Variants in NTM observed in about 807,000 individuals in gnomAD.
The protein encoded by NTM is IgLON family member 2.
In NTM, 13 loss-of-function variants were observed where a neutral mutation model predicts 42.1. That is an observed-to-expected ratio of 0.31 (90% CI 0.20 to 0.49). The LOEUF (loss-of-function observed/expected upper bound fraction) is 0.49, where lower values mean the gene tolerates loss of function less well. Among genes scored for constraint, NTM ranks in the 20% least tolerant of loss-of-function variants. NTM has a pLI of 0.99. For missense variants in NTM, 373 were observed against 452.8 expected, an observed-to-expected ratio of 0.82 and a Z score of 1.60; for synonymous variants, 187 against 179.2, an observed-to-expected ratio of 1.04 and a Z score of -0.35.
intron 1 of NTM, among the ~76,000 whole-genome samples, chr11:131,641,795 C>T (rs1239981252): frequency 1.4e-4 from 21 of 149,566 alleles, no homozygotes; most frequent in African/African-American, 4.9e-4. Flanking sequence ...AGCATGATCT[C>T]GGCTCACTGC....
chr11:131,766,784 C>G (rs1156313892), intron 1 of NTM, among the ~76,000 whole-genome samples: 2 of 152,278 alleles, frequency 1.3e-5, no homozygotes, highest in Admixed American at 6.5e-5. Flanking sequence ...TGACGATTTT[C>G]CTTTTCAATC....
At chr11:131,550,163 C>A (rs968620273) in intron 1 of NTM, among the ~76,000 whole-genome samples, 1 of 152,220 alleles carries the variant, frequency 6.6e-6, no homozygotes, top group Non-Finnish European at 1.5e-5. Flanking sequence ...TTACTATGTG[C>A]CAAGCACAGT....
At chr11:132,298,224 A>G (rs1309381493) in intron 4 of NTM, among the ~76,000 whole-genome samples, 2 of 152,256 alleles carry the variant, frequency 1.3e-5, no homozygotes, top group Non-Finnish European at 2.9e-5. Context: ...AACAGCCAAG[A>G]TACTGAGGCA....
intron 1 of NTM, among the ~76,000 whole-genome samples, chr11:131,528,014 CAA>C (rs2136640601): frequency 6.6e-6 from 1 of 152,300 alleles, no homozygotes; most frequent in African/African-American, 2.4e-5. Flanking sequence ...TGTGACCCTT[CAA>C]GTTTTCAGAT....
At chr11:131,630,180 T>C (rs1467151232) in intron 1 of NTM, among the ~76,000 whole-genome samples, 1 of 152,112 alleles carries the variant, frequency 6.6e-6, no homozygotes, top group African/African-American at 2.4e-5. Context: ...CTATTGAAAA[T>C]CAATGATTCT....
At chr11:131,720,875 C>T (rs1022831362) in intron 1 of NTM, among the ~76,000 whole-genome samples, 2 of 152,080 alleles carry the variant, frequency 1.3e-5, no homozygotes, top group Non-Finnish European at 2.9e-5. Context: ...ATGATAAGGA[C>T]TTACCAGGTA....
chr11:132,161,234 G>A (rs1453884565), intron 3 of NTM, among the ~76,000 whole-genome samples: 1 of 152,110 alleles, frequency 6.6e-6, no homozygotes, highest in African/African-American at 2.4e-5. Flanking sequence ...CCCCACTGGA[G>A]TGAGTGCAGC....
chr11:132,063,586 G>A (rs948306638), intron 2 of NTM, among the ~76,000 whole-genome samples: 6 of 152,182 alleles, frequency 3.9e-5, no homozygotes, highest in African/African-American at 1.4e-4. Flanking sequence ...GGAATCGTGT[G>A]TCTCCCCACC....
At position 132,222,763 on chromosome 11, in the gene NTM, C is replaced by A. The variant is rs1331378615; in HGVS notation, c.526+10616C>A. On this transcript the variant is annotated intron_variant, in intron 4 of 8. Transcript: ENST00000683400. ...TTCTCTGCTTACTGCCCTCACCCCC[C>A]ACGCACCCCACCCTGAAAAACAAAC... Among the ~76,000 whole-genome samples the A allele has an allele frequency of 1.3e-5, 2 of 152,174 alleles. 1 individual carries two copies. Among genetic ancestry groups the A allele is most frequent in the Admixed American group, 1.3e-4 (2 of 15,274 alleles).
chr11:131,789,609 A>G (rs1220144295), intron 1 of NTM, among the ~76,000 whole-genome samples: 2 of 85,840 alleles, frequency 2.3e-5, no homozygotes, highest in South Asian at 3.3e-4. Context: ...AAGAAGAAGA[A>G]GAAGAAGAAG....
At chr11:131,732,364 A>T (rs2658874) in intron 1 of NTM, among the ~76,000 whole-genome samples, 39,580 of 151,858 alleles carry the variant, frequency 0.26, 6,676 homozygotes, top group African/African-American at 0.48. Context: ...TCACCTTTTT[A>T]CCACTGGGTG....
At chr11:131,840,467 T>C (rs75803928) in intron 1 of NTM, among the ~76,000 whole-genome samples, 5,690 of 152,100 alleles carry the variant, frequency 0.037, 318 homozygotes, top group African/African-American at 0.13. Flanking sequence ...GGATCGACCA[T>C]GAGATTTGAA....
chr11:131,396,385 A>C (rs1352953116), intron 1 of NTM, among the ~76,000 whole-genome samples: 2 of 152,188 alleles, frequency 1.3e-5, no homozygotes, highest in Non-Finnish European at 2.9e-5. Context: ...TCCTACGCAC[A>C]GCTTGACCTC....
intron 2 of NTM, among the ~76,000 whole-genome samples, chr11:131,958,273 G>A (rs1439814808): frequency 8.5e-5 from 13 of 152,144 alleles, no homozygotes; most frequent in Admixed American, 8.5e-4. Flanking sequence ...TACCAGGGGA[G>A]TGATGGGGCA....
chr11:132,102,728 C>T (rs1482990049), intron 2 of NTM, among the ~76,000 whole-genome samples: 1 of 152,122 alleles, frequency 6.6e-6, no homozygotes, highest in Non-Finnish European at 1.5e-5. Flanking sequence ...CACCCATTTG[C>T]ATAACTTTTC....
chr11:131,870,384 G>A (rs981607114), intron 1 of NTM, among the ~76,000 whole-genome samples: 1 of 152,168 alleles, frequency 6.6e-6, no homozygotes, highest in Non-Finnish European at 1.5e-5. Flanking sequence ...GCAATGCCTA[G>A]CAATGGCTCC....
chr11:131,702,104 T>C (rs1298046267), intron 1 of NTM, among the ~76,000 whole-genome samples: 1 of 152,112 alleles, frequency 6.6e-6, no homozygotes, highest in African/African-American at 2.4e-5. Context: ...GGCTTTGTCT[T>C]CTTTCCTCTC....
intron 1 of NTM, among the ~76,000 whole-genome samples, chr11:131,695,956 T>C (rs2075391700): frequency 6.6e-6 from 1 of 152,060 alleles, no homozygotes; most frequent in Admixed American, 6.5e-5. Flanking sequence ...TGTGTGCCGC[T>C]CAAAGGACAG....
chr11:132,301,983 T>G (rs541296256), intron 4 of NTM, among the ~76,000 whole-genome samples: 1 of 152,312 alleles, frequency 6.6e-6, no homozygotes, highest in Non-Finnish European at 1.5e-5. Context: ...TATTTTCAGT[T>G]ATAAAGATTT....
Sources: gnomAD v4.1 joint callset for allele counts (sites outside exome capture counted in the v4.1 genomes callset) on GRCh38, gnomAD v4.1.1 for gene constraint, MANE v1.5 for transcripts, NCBI Gene and HGNC (gene_info 2026-07-23, HGNC 2026-07-21) for gene names.